Variants in SIPA1L3 observed in about 807,000 individuals in gnomAD.
The protein encoded by SIPA1L3 is signal-induced proliferation-associated 1-like protein 3.
SIPA1L3 carries 59 observed loss-of-function variants against 150.1 expected under a neutral mutation model. The observed-to-expected ratio is 0.39, with a 90% CI of 0.32 to 0.49. The LOEUF is 0.49. Ranked by LOEUF, SIPA1L3 falls within the 20% of genes least tolerant of loss-of-function variation. The pLI is 0.86. For synonymous variants in SIPA1L3, 1,070 were observed against 1,077.6 expected (o/e 0.99, Z 0.14); for missense variants, 2,211 against 2,489.5 (o/e 0.89, Z 2.38).
chr19:38,131,281 A>G (rs1746663777), intron 10 of SIPA1L3, among the ~76,000 whole-genome samples: 2 of 152,158 alleles, frequency 1.3e-5, no homozygotes, highest in South Asian at 4.1e-4. Flanking sequence ...AAAGCAGGGT[A>G]ATGAAGGGGC....
intron 4 of SIPA1L3, among the ~76,000 whole-genome samples, chr19:38,093,437 C>G (rs945884550): frequency 1.3e-5 from 2 of 152,132 alleles, no homozygotes; most frequent in Non-Finnish European, 2.9e-5. Flanking sequence ...AAATTCTCAG[C>G]TTACAGAACT....
intron 2 of SIPA1L3, among the ~76,000 whole-genome samples, chr19:38,033,225 T>C (rs903585261): frequency 1.3e-5 from 2 of 152,220 alleles, no homozygotes; most frequent in Non-Finnish European, 2.9e-5. Flanking sequence ...GTGAAAAATT[T>C]TTTGCCAGTC....
rs1301946294 is a variant in SIPA1L3, at chr19:38,119,869, T to G, written c.2855T>G (p.Val952Gly). ...TCTGTGGAGGACATAAGGGAGATAGTGCAGAGACTGAAGGTAAGGGAGAGA... is the reference window on the plus strand; with the variant it reads ...TCTGTGGAGGACATAAGGGAGATAGGGCAGAGACTGAAGGTAAGGGAGAGA... ...EGSVEDIREI[V>G]QRLKVMTSGW... The change falls in exon 9 of 22, where the codon GTG becomes GGG. Residue 952 changes from valine to glycine, a missense_variant. Val to Gly is a moderately radical substitution (Grantham distance 109). Around this residue, in one of 5 missense-constraint regions of SIPA1L3, gnomAD observed 625 missense variants for 804.2 expected, o/e 0.78. Coordinates refer to ENST00000222345, the MANE Select transcript of SIPA1L3 (RefSeq NM_015073.3). The G allele has an allele frequency of 6.8e-6, 11 of 1,606,472 alleles. No individual in the cohort carries two copies. In the Admixed American group the frequency reaches 1.9e-4, roughly 27 times the overall value.
chr19:37,928,773 C>T (rs1404411441), intron 1 of SIPA1L3, among the ~76,000 whole-genome samples: 1 of 152,078 alleles, frequency 6.6e-6, no homozygotes, highest in African/African-American at 2.4e-5. Context: ...AATAGGAAGC[C>T]CAAATGAAAT....
intron 12 of SIPA1L3, among the ~76,000 whole-genome samples, chr19:38,149,339 G>A (rs536181861): frequency 1.3e-5 from 2 of 152,210 alleles, no homozygotes; most frequent in East Asian, 3.9e-4. Flanking sequence ...GGAAGTTCGC[G>A]TCACTGCTGC....
chr19:38,056,894 C>T (rs1291677754), intron 2 of SIPA1L3, among the ~76,000 whole-genome samples: 1 of 152,076 alleles, frequency 6.6e-6, no homozygotes, highest in Non-Finnish European at 1.5e-5. Flanking sequence ...CTCCTCTCTA[C>T]AAAAAATTTA....
intron 1 of SIPA1L3, among the ~76,000 whole-genome samples, chr19:38,024,300 A>G (rs748304757): frequency 1.3e-5 from 2 of 152,204 alleles, no homozygotes; most frequent in Non-Finnish European, 2.9e-5. Flanking sequence ...GTGTTCTGAA[A>G]TGTCATATGA....
intron 15 of SIPA1L3, among the ~76,000 whole-genome samples, chr19:38,174,624 C>T (rs570871978): frequency 4.4e-4 from 67 of 152,044 alleles, no homozygotes; most frequent in African/African-American, 1.2e-3. Context: ...CCGAGGCGGG[C>T]GGATCACCTG....
Position 38,204,479 on chromosome 19 carries a change from C to T in SIPA1L3, c.5202+271C>T, listed in dbSNP as rs1836006. On this transcript the variant is annotated intron_variant, in intron 21 of 21. Transcript: ENST00000222345. ...CATTTATCAAAAAAACACAAAAAAA[C>T]TGTGGCTGGGCGCGGTGGCTCATAC... 0.77 allele frequency among the ~76,000 whole-genome samples: 116,971 copies of T among 152,158 alleles called. 45,390 individuals carry two copies. Among genetic ancestry groups the T allele is most frequent in the East Asian group, 0.91 (4,730 of 5,180 alleles).
At chr19:38,129,421 C>T (rs1004887722) in intron 9 of SIPA1L3, among the ~76,000 whole-genome samples, 4 of 151,394 alleles carry the variant, frequency 2.6e-5, no homozygotes, top group African/African-American at 9.7e-5. Flanking sequence ...GTCAGGAGTT[C>T]GAGACCAGCC....
Position 38,030,642 on chromosome 19 carries a change from A to ATATATATATATATATATATATATATG in SIPA1L3, c.-311+1495_-311+1496insATATATATATATATATGTATATATAT, listed in dbSNP as rs1555778714. 9.8e-4 allele frequency among the ~76,000 whole-genome samples: 74 copies of ATATATATATATATATATATATATATG among 75,332 alleles called. 2 individuals carry two copies. The highest frequency in any genetic ancestry group is 2.8e-3 in the African/African-American group (71 of 25,452). The allele number at this position is 75,332 out of a possible 152,430, so 49.4% of individuals were successfully genotyped here. A position where few individuals can be genotyped will look rare whatever the true frequency, so the allele number is the denominator to read the frequency against. On this transcript the variant is annotated intron_variant, in intron 2 of 21. Transcript: ENST00000222345. Reference sequence around the variant, plus strand: ...GTGGCAAATATATATATATATATATATATATATATGGCAAATACTTACCTG... The same window carrying ATATATATATATATATATATATATATG: ...GTGGCAAATATATATATATATATATATATATATATATATATATATATATATGTATATATATGGCAAATACTTACCTG...
At chr19:38,092,207 C>A (rs780016260) in intron 4 of SIPA1L3, among the ~76,000 whole-genome samples, 1 of 151,876 alleles carries the variant, frequency 6.6e-6, no homozygotes, top group Non-Finnish European at 1.5e-5. Context: ...CATAGTGATA[C>A]CCGTGTCTCT....
chr19:38,154,439 T>TTTTATTTA (rs551986699), intron 13 of SIPA1L3, among the ~76,000 whole-genome samples: 1 of 152,116 alleles, frequency 6.6e-6, no homozygotes, highest in Non-Finnish European at 1.5e-5. Context: ...GTTGATTTTA[T>TTTTATTTA]TTTATTTATT....
At chr19:37,982,576 T>A (rs1405441826) in intron 1 of SIPA1L3, among the ~76,000 whole-genome samples, 1 of 152,204 alleles carries the variant, frequency 6.6e-6, no homozygotes, top group Non-Finnish European at 1.5e-5. Flanking sequence ...GCTATGTCAC[T>A]TCCCCAAGGT....
chr19:38,019,787 T>C (rs1968328612), intron 1 of SIPA1L3, among the ~76,000 whole-genome samples: 1 of 152,128 alleles, frequency 6.6e-6, no homozygotes, highest in Non-Finnish European at 1.5e-5. Context: ...TCACCAGCTA[T>C]AAGAATAATG....
rs1458561224 is a variant in SIPA1L3 at position 37,979,913 on chromosome 19, G to A, written c.-378-49176G>A. On this transcript the variant is annotated intron_variant, in intron 1 of 21. Transcript: ENST00000222345. ...GCGGTGGGTCTGTTGGTGCCTCCGC[G>A]TGCACACTCACTCTGAGCATTTCTT... Among the ~76,000 whole-genome samples the A allele has an allele frequency of 2.0e-5, 3 of 152,224 alleles. No homozygotes were observed. The East Asian group carries it at 5.8e-4, about 29-fold the overall frequency.
At chr19:37,963,366 T>C (rs927734564) in intron 1 of SIPA1L3, among the ~76,000 whole-genome samples, 10 of 152,228 alleles carry the variant, frequency 6.6e-5, no homozygotes, top group Admixed American at 2.6e-4. Context: ...ACCAAGGCCT[T>C]GTGTGGCTAT....
At chr19:38,145,357 C>T (rs1401636503) in intron 12 of SIPA1L3, among the ~76,000 whole-genome samples, 6 of 151,732 alleles carry the variant, frequency 4.0e-5, no homozygotes, top group African/African-American at 1.5e-4. Flanking sequence ...CATGATGAAA[C>T]CCCGTCTCTA....
chr19:38,073,017 C>T (rs971329790), intron 2 of SIPA1L3, among the ~76,000 whole-genome samples: 2 of 152,234 alleles, frequency 1.3e-5, no homozygotes, highest in Non-Finnish European at 2.9e-5. Flanking sequence ...CAGAGGCAAT[C>T]AGGATGGCTA....
Sources: allele counts gnomAD v4.1 joint callset (sites outside exome capture counted in the v4.1 genomes callset), GRCh38; gene constraint gnomAD v4.1.1; regional missense constraint gnomAD v4.1.1; transcripts MANE v1.5; gene names NCBI Gene and HGNC (gene_info 2026-07-23, HGNC 2026-07-21).